The following ULK4 variants were observed in gnomAD, a reference collection of about 807,000 sequenced individuals.
ULK4 encodes unc-51 like kinase 4.
Under a neutral mutation model 160.6 loss-of-function variants are expected in ULK4, and 133 were observed. That is an observed-to-expected ratio of 0.83 (90% CI 0.72 to 0.96). ULK4 has a LOEUF of 0.96. Among genes scored for constraint, ULK4 ranks in the 40% least tolerant of loss-of-function variants. The probability of loss-of-function intolerance (pLI) is 0.00; values close to 1 mark genes in which losing one functional copy is unlikely to be tolerated. For synonymous variants in ULK4, 534 were observed against 539.8 expected (o/e 0.99, Z 0.15); for missense variants, 1,580 against 1,499.5 (o/e 1.05, Z -0.89).
intron 17 of ULK4, among the ~76,000 whole-genome samples, chr3:41,850,682 G>A: frequency 6.6e-6 from 1 of 151,952 alleles, no homozygotes; most frequent in East Asian, 1.9e-4. Context: ...AAATTTGTTT[G>A]CGTTCATTGT....
chr3:41,328,206 T>G (rs1446791291), intron 35 of ULK4, among the ~76,000 whole-genome samples: 3 of 152,274 alleles, frequency 2.0e-5, no homozygotes, highest in Admixed American at 2.0e-4. Context: ...CAGCAGCATG[T>G]GCAAAAAGAC....
intron 25 of ULK4, among the ~76,000 whole-genome samples, chr3:41,706,849 A>ATGTGTGTGTGTGTGTG (rs749756575): frequency 4.7e-4 from 48 of 102,364 alleles, no homozygotes; most frequent in African/African-American, 2.4e-3. Context: ...AAAAAAAAAT[A>ATGTGTGTGTGTGTGTG]TGTGTGTGTG....
At chr3:41,589,349 T>G (rs2031098545) in intron 31 of ULK4, among the ~76,000 whole-genome samples, 1 of 137,406 alleles carries the variant, frequency 7.3e-6, no homozygotes, top group Admixed American at 8.2e-5. Context: ...AAAAATAACA[T>G]GGGAAATCTG....
At chr3:41,309,627 T>C (rs368334347) in intron 35 of ULK4, among the ~76,000 whole-genome samples, 6 of 152,330 alleles carry the variant, frequency 3.9e-5, no homozygotes, top group Admixed American at 2.6e-4. Context: ...TCTAAAAGTA[T>C]TGAAAGACCA....
intron 5 of ULK4, among the ~76,000 whole-genome samples, chr3:41,929,177 C>T (rs1699492173): frequency 6.6e-6 from 1 of 152,136 alleles, no homozygotes; most frequent in Non-Finnish European, 1.5e-5. Context: ...GGATGCAAGG[C>T]TGGTTCAACA....
intron 34 of ULK4, among the ~76,000 whole-genome samples, chr3:41,410,012 A>C (rs2082379271): frequency 6.6e-6 from 1 of 152,176 alleles, no homozygotes; most frequent in Admixed American, 6.5e-5. Context: ...CATACTCCAT[A>C]GAAGGACTAC....
intron 32 of ULK4, among the ~76,000 whole-genome samples, chr3:41,564,937 G>A (rs2087735224): frequency 6.6e-6 from 1 of 152,070 alleles, no homozygotes; most frequent in South Asian, 2.1e-4. Context: ...CTATACAGGT[G>A]TATCATGTTT....
chr3:41,302,377 A>T (rs973055975), intron 35 of ULK4, among the ~76,000 whole-genome samples: 1 of 152,208 alleles, frequency 6.6e-6, no homozygotes, highest in African/African-American at 2.4e-5. Flanking sequence ...GTTAGCAAGT[A>T]GGGCTTTTCG....
chr3:41,549,819 A>C (rs1376696837), intron 32 of ULK4, among the ~76,000 whole-genome samples: 1 of 152,150 alleles, frequency 6.6e-6, no homozygotes, highest in African/African-American at 2.4e-5. Flanking sequence ...GTCACATATA[A>C]GGAAATGACC....
intron 34 of ULK4, among the ~76,000 whole-genome samples, chr3:41,446,779 A>G (rs2083306700): frequency 6.6e-6 from 1 of 151,668 alleles, no homozygotes; most frequent in Admixed American, 6.6e-5. Context: ...CTAATGTTAA[A>G]TGATGAGTTA....
intron 35 of ULK4, among the ~76,000 whole-genome samples, chr3:41,298,320 T>G (rs2079712798): frequency 6.6e-6 from 1 of 152,214 alleles, no homozygotes; most frequent in Admixed American, 6.5e-5. Context: ...ACATTAGCTT[T>G]TCCTAAGAGT....
rs71094650 is a variant in ULK4, at chr3:41,470,018, G to GAAAAAAAAAAAAAA, written c.3227-6779_3227-6766dup. Among the ~76,000 whole-genome samples, 63 of 45,974 alleles carry GAAAAAAAAAAAAAA rather than the reference G, an allele frequency of 1.4e-3. 4 individuals carry two copies. Among genetic ancestry groups the GAAAAAAAAAAAAAA allele is most frequent in the Middle Eastern group, 0.042 (2 of 48 alleles). The allele number at this position is 45,974 out of a possible 152,430, so 30.2% of individuals were successfully genotyped here. ...GAGGAATTCAAGAAGAAACAGAACA[G>GAAAAAAAAAAAAAA]AAAAAAAAAAAAAAAAAAAAAAAAA... On this transcript the variant is annotated intron_variant, in intron 32 of 36. Coordinates refer to ENST00000301831, the MANE Select transcript of ULK4 (RefSeq NM_017886.4).
In ULK4 at chr3:41,367,521, G is replaced by A. The variant is rs543168318; in HGVS notation, c.3678+30558C>T. On this transcript the variant is annotated intron_variant, in intron 35 of 36. Coordinates refer to ENST00000301831, the MANE Select transcript of ULK4 (RefSeq NM_017886.4). ...TCCTGTGGTGAGCAGCTCCATGGCT[G>A]GAGCTGGGGCCCACGCTTCGCTCTT... Among the ~76,000 whole-genome samples, 9 of 152,226 alleles carry A rather than the reference G, an allele frequency of 5.9e-5. No individual in the cohort carries two copies. The South Asian group carries it at 1.5e-3, about 25-fold the overall frequency.
chr3:41,486,639 T>C (rs1559640221), intron 32 of ULK4, among the ~76,000 whole-genome samples: 1 of 152,156 alleles, frequency 6.6e-6, no homozygotes, highest in Non-Finnish European at 1.5e-5. Flanking sequence ...ATTTTTTTTA[T>C]TTCTATAGTT....
At position 41,789,712 on chromosome 3, in the gene ULK4, G is replaced by C. The variant is rs766803228; in HGVS notation, c.2142C>G (p.Phe714Leu). The C allele has an allele frequency of 6.2e-7, 1 of 1,611,578 alleles. No homozygotes were observed. Among genetic ancestry groups the C allele is most frequent in the African/African-American group, 1.3e-5 (1 of 74,766 alleles). Reference sequence around the variant, plus strand: ...GAATCCCACAGGACAACATGGCAGCGAATAAGGTCAACATGTACTGCTGAA... The same window carrying C: ...GAATCCCACAGGACAACATGGCAGCCAATAAGGTCAACATGTACTGCTGAA... ...CKVQQYMLTL[F>L]AAMLSCGIHL... The change falls in exon 21 of 37, where the codon TTC becomes TTG. Residue 714 changes from phenylalanine to leucine, a missense_variant. Phe to Leu is a conservative substitution (Grantham distance 22). Transcript: ENST00000301831.
intron 12 of ULK4, among the ~76,000 whole-genome samples, chr3:41,906,060 A>G (rs961777473): frequency 2.6e-5 from 4 of 151,876 alleles, no homozygotes. Context: ...CACTAAAAAC[A>G]CAAAAAATTA....
chr3:41,810,105 A>G (rs2040774228), intron 19 of ULK4, among the ~76,000 whole-genome samples: 2 of 152,190 alleles, frequency 1.3e-5, no homozygotes, highest in African/African-American at 4.8e-5. Flanking sequence ...CTATATTTAT[A>G]TATCATATGC....
At chr3:41,293,523 A>G (rs1177743408) in intron 35 of ULK4, among the ~76,000 whole-genome samples, 1 of 152,202 alleles carries the variant, frequency 6.6e-6, no homozygotes, top group Non-Finnish European at 1.5e-5. Context: ...ACAACATGTT[A>G]CAGGCTGTAA....
chr3:41,398,107 T>C lies in ULK4; in HGVS notation c.3650A>G (p.Lys1217Arg), dbSNP rs371766297. Reference protein sequence around the residue: ...LTSKEDPKEQKLLLRILRRMI... With the variant: ...LTSKEDPKEQRLLLRILRRMI... ...TCTTCTGAGAATCCTTAACAGAAGC[T>C]TCTGCTCCTTTGGGTCCTCCTTGGA... The change falls in exon 35 of 37, where the codon AAG becomes AGG. Residue 1217 changes from lysine to arginine, a missense_variant. Coordinates refer to ENST00000301831, the MANE Select transcript of ULK4 (RefSeq NM_017886.4). 6 of 1,613,180 alleles carry C rather than the reference T, an allele frequency of 3.7e-6. No individual in the cohort carries two copies. In the African/African-American group the frequency reaches 6.7e-5, roughly 18 times the overall value.
Sources: allele counts gnomAD v4.1 joint callset (sites outside exome capture counted in the v4.1 genomes callset), GRCh38; gene constraint gnomAD v4.1.1; transcripts MANE v1.5; gene names NCBI Gene and HGNC (gene_info 2026-07-23, HGNC 2026-07-21).